Variants in BMPER observed in about 807,000 individuals in gnomAD.
BMPER encodes BMP-binding endothelial regulator protein.
Under a neutral mutation model 87.3 loss-of-function variants are expected in BMPER, and 45 were observed. The observed-to-expected ratio is 0.52, with a 90% CI of 0.41 to 0.66. The LOEUF (loss-of-function observed/expected upper bound fraction) is 0.66, where lower values mean the gene tolerates loss of function less well. Ranked by LOEUF, BMPER falls within the 30% of genes least tolerant of loss-of-function variation. The pLI is 0.00. For synonymous variants in BMPER, 326 were observed against 316.2 expected (o/e 1.03, Z -0.33); for missense variants, 784 against 867.5 (o/e 0.90, Z 1.21).
chr7:34,150,859 CGAGA>C (rs1791158493), intron 14 of BMPER, among the ~76,000 whole-genome samples: 1 of 151,962 alleles, frequency 6.6e-6, no homozygotes, highest in Non-Finnish European at 1.5e-5. Flanking sequence ...GTGTATGTAG[CGAGA>C]GAGAGAAAGA....
chr7:33,975,378 C>T (rs926356224), intron 6 of BMPER, among the ~76,000 whole-genome samples: 1 of 152,162 alleles, frequency 6.6e-6, no homozygotes, highest in South Asian at 2.1e-4. Context: ...AGGAGGAAAT[C>T]GCCTGAAATG....
At position 34,055,211 on chromosome 7, in the gene BMPER, G is replaced by C; in HGVS notation, c.835G>C (p.Asp279His). Residue 279 changes from aspartate (D) to histidine (H), a missense_variant, in exon 9 of 15, where the codon GAC becomes CAC. Coordinates refer to ENST00000649409, the MANE Select transcript of BMPER (RefSeq NM_001365308.1). ...KRKCSHPGGC[D>H]QGQEGCCEEC... ...GAAGTGCTCCCACCCTGGTGGCTGTGACCAAGGCCAGGAGGGCTGTTGTGA... is the reference window on the plus strand; with the variant it reads ...GAAGTGCTCCCACCCTGGTGGCTGTCACCAAGGCCAGGAGGGCTGTTGTGA... 6.2e-7 allele frequency: 1 copy of C among 1,614,134 alleles called. No individual in the cohort carries two copies. The highest frequency in any genetic ancestry group is 8.5e-7 in the Non-Finnish European group (1 of 1,180,026).
chr7:33,998,008 T>C (rs1009802658), intron 6 of BMPER, among the ~76,000 whole-genome samples: 1 of 152,208 alleles, frequency 6.6e-6, no homozygotes, highest in Non-Finnish European at 1.5e-5. Flanking sequence ...ATTTTGTCTT[T>C]CTCTTCTTTC....
At chr7:34,114,505 T>C (rs1307596840) in intron 13 of BMPER, among the ~76,000 whole-genome samples, 2 of 152,256 alleles carry the variant, frequency 1.3e-5, no homozygotes, top group Non-Finnish European at 2.9e-5. Flanking sequence ...GGATCTGTGC[T>C]GGGCATTGGA....
At chr7:33,959,848 A>G in intron 3 of BMPER, among the ~76,000 whole-genome samples, 1 of 152,208 alleles carries the variant, frequency 6.6e-6, no homozygotes, top group East Asian at 1.9e-4. Context: ...ATCACTTTAC[A>G]GTCTCCAACA....
intron 6 of BMPER, among the ~76,000 whole-genome samples, chr7:34,015,196 ACTAC>A: frequency 6.6e-6 from 1 of 152,056 alleles, no homozygotes; most frequent in African/African-American, 2.4e-5. Context: ...CTGAAGCCAC[ACTAC>A]CTGGGTTTGA....
In BMPER at chr7:34,023,022, A is replaced by C. The variant is rs188575322; in HGVS notation, c.577-23284A>C. On this transcript the variant is annotated intron_variant, in intron 6 of 14. Transcript: ENST00000649409. ...AGACTATTTGAGAAGGCTACAGGGA[A>C]GGGTAGAACCTGAAGAATCTTGGGC... 1.5e-4 allele frequency among the ~76,000 whole-genome samples: 23 copies of C among 152,190 alleles called. No individual in the cohort carries two copies. The East Asian group carries it at 4.1e-3, about 27-fold the overall frequency.
intron 12 of BMPER, among the ~76,000 whole-genome samples, chr7:34,083,370 A>G (rs527880143): frequency 6.6e-6 from 1 of 152,240 alleles, no homozygotes; most frequent in East Asian, 1.9e-4. Context: ...TATTCCCCAA[A>G]GAGACTTTCC....
chr7:34,046,639 A>ATT (rs1787978184), intron 7 of BMPER, among the ~76,000 whole-genome samples: 2 of 152,222 alleles, frequency 1.3e-5, no homozygotes, highest in Non-Finnish European at 2.9e-5. Flanking sequence ...AACTGGGTAC[A>ATT]CCAGATGACC....
intron 6 of BMPER, among the ~76,000 whole-genome samples, chr7:33,993,093 G>T (rs1667602788): frequency 1.7e-5 from 2 of 120,910 alleles, no homozygotes; most frequent in East Asian, 2.4e-4. Context: ...ACAATTATGT[G>T]TCTTGGAGTT....
chr7:34,018,837 AAAAAT>A (rs1203054002), intron 6 of BMPER, among the ~76,000 whole-genome samples: 2 of 152,018 alleles, frequency 1.3e-5, no homozygotes, highest in Admixed American at 6.6e-5. Flanking sequence ...GAAAAAAAGA[AAAAAT>A]AAAAGAAAAA....
intron 6 of BMPER, among the ~76,000 whole-genome samples, chr7:33,992,694 T>G (rs1562675317): frequency 6.6e-6 from 1 of 150,910 alleles, no homozygotes; most frequent in African/African-American, 2.4e-5. Flanking sequence ...TATTAGTTGA[T>G]GCAGTTTCTT....
intron 3 of BMPER, among the ~76,000 whole-genome samples, chr7:33,943,330 A>G (rs1784811508): frequency 2.0e-5 from 3 of 152,308 alleles, no homozygotes; most frequent in Admixed American, 2.0e-4. Context: ...GCACCCCACA[A>G]CATCAAAAAA....
chr7:33,955,275 T>A (rs1785122669), intron 3 of BMPER, among the ~76,000 whole-genome samples: 1 of 152,192 alleles, frequency 6.6e-6, no homozygotes. Context: ...ATGCTTCAAA[T>A]GTAACAAAGA....
At chr7:33,972,834 CA>C (rs1182617021) in intron 5 of BMPER, among the ~76,000 whole-genome samples, 4 of 152,192 alleles carry the variant, frequency 2.6e-5, no homozygotes, top group Non-Finnish European at 5.9e-5. Flanking sequence ...GCCTTAATTC[CA>C]AAGGCCAACC....
chr7:34,122,052 G>A (rs1336106353), intron 13 of BMPER, among the ~76,000 whole-genome samples: 2 of 141,406 alleles, frequency 1.4e-5, no homozygotes, highest in Admixed American at 1.4e-4. Flanking sequence ...CAGCCCAAGA[G>A]TTGGATGCTG....
intron 6 of BMPER, among the ~76,000 whole-genome samples, chr7:33,982,187 G>A (rs1785882143): frequency 6.6e-6 from 1 of 152,150 alleles, no homozygotes; most frequent in Admixed American, 6.5e-5. Flanking sequence ...GGGGACTTGG[G>A]AACTTCGATG....
chr7:34,119,065 G>T (rs2127988684), intron 13 of BMPER, among the ~76,000 whole-genome samples: 1 of 99,416 alleles, frequency 1.0e-5, no homozygotes, highest in East Asian at 4.2e-4. Flanking sequence ...ACATATACAT[G>T]CACGCTATTG....
At chr7:33,941,953 T>G (rs1305693368) in intron 3 of BMPER, among the ~76,000 whole-genome samples, 1 of 152,150 alleles carries the variant, frequency 6.6e-6, no homozygotes. Flanking sequence ...TTAAAGCTGC[T>G]CACCAGGCTG....
Sources: allele counts gnomAD v4.1 joint callset (sites outside exome capture counted in the v4.1 genomes callset), GRCh38; gene constraint gnomAD v4.1.1; transcripts MANE v1.5; gene names NCBI Gene and HGNC (gene_info 2026-07-23, HGNC 2026-07-21).